The following ARFGEF1 variants were observed in gnomAD, a reference collection of about 807,000 sequenced individuals.
ARFGEF1 encodes ARF guanine nucleotide exchange factor 1.
Under a neutral mutation model 231.0 loss-of-function variants are expected in ARFGEF1, and 42 were observed. The observed-to-expected ratio is 0.18, with a 90% confidence interval of 0.14 to 0.24. ARFGEF1 has a LOEUF of 0.24. ARFGEF1 is among the 10% of genes least tolerant of loss of function. ARFGEF1 has a pLI of 1.00. For synonymous variants in ARFGEF1, 710 were observed against 732.3 expected, an observed-to-expected ratio of 0.97 and a Z score of 0.49; for missense variants, 1,345 against 2,192.0, an observed-to-expected ratio of 0.61 and a Z score of 7.72.
intron 9 of ARFGEF1, among the ~76,000 whole-genome samples, chr8:67,273,943 A>G (rs1805205786): frequency 6.7e-6 from 1 of 148,176 alleles, no homozygotes; most frequent in South Asian, 2.1e-4. Flanking sequence ...TTACCATTCT[A>G]TAACAATGAG....
At chr8:67,300,660 C>CAAAAAAAAAAAAAAAAAAAAAAAAAA (rs200434355) in intron 3 of ARFGEF1, among the ~76,000 whole-genome samples, 1 of 88,660 alleles carries the variant, frequency 1.1e-5, no homozygotes, top group Non-Finnish European at 2.4e-5. Context: ...CTTGTCTCTT[C>CAAAAAAAAAAAAAAAAAAAAAAAAAA]AAAAAAAAAA....
At chr8:67,277,161 C>T (rs1805347881) in intron 8 of ARFGEF1, 121 bp downstream of exon 8, 1 of 1,014,916 alleles carries the variant, frequency 9.9e-7, no homozygotes, top group African/African-American at 1.7e-5. Context: ...TTCTTATTTC[C>T]CCAAACTAAA....
intron 30 of ARFGEF1, 28 bp from the exon 31 acceptor site, chr8:67,218,166 C>G: frequency 7.8e-7 from 1 of 1,281,492 alleles, no homozygotes; most frequent in Non-Finnish European, 1.0e-6. Context: ...TAATGAACAT[C>G]ACGCCATTAA....
At chr8:67,230,405 T>G (rs1839515921) in intron 23 of ARFGEF1, among the ~76,000 whole-genome samples, 1 of 152,128 alleles carries the variant, frequency 6.6e-6, no homozygotes, top group African/African-American at 2.4e-5. Flanking sequence ...AAAAAATGGT[T>G]TGCAAAACTT....
chr8:67,218,478 G>A (rs1484313094), intron 30 of ARFGEF1, among the ~76,000 whole-genome samples: 3 of 151,622 alleles, frequency 2.0e-5, no homozygotes, highest in Admixed American at 6.6e-5. Flanking sequence ...GAATAGCAAC[G>A]CCGGCCTTGC....
chr8:67,197,584 T>C, downstream of ARFGEF1: 2 of 973,190 alleles, frequency 2.1e-6, no homozygotes, highest in Non-Finnish European at 1.2e-6. Flanking sequence ...TAGTTCTGGC[T>C]GAAAATGTCT....
downstream of ARFGEF1, chr8:67,193,620 A>C (rs1459400518): frequency 5.6e-6 from 9 of 1,607,250 alleles, no homozygotes; most frequent in Non-Finnish European, 7.7e-6. Flanking sequence ...ACCAAGTGTA[A>C]TGGCCTATAG....
chr8:67,303,011 C>T (rs1316558134), intron 1 of ARFGEF1, among the ~76,000 whole-genome samples: 1 of 151,590 alleles, frequency 6.6e-6, no homozygotes, highest in African/African-American at 2.4e-5. Context: ...GGGAGGGTCC[C>T]TTGAGCCCAA....
intron 17 of ARFGEF1, among the ~76,000 whole-genome samples, chr8:67,256,311 T>C (rs1045844040): frequency 2.6e-5 from 4 of 152,204 alleles, no homozygotes; most frequent in Admixed American, 2.0e-4. Flanking sequence ...TAAAGTCCTA[T>C]ATAAAATCAA....
chr8:67,342,388 G>C (rs991190541), intron 1 of ARFGEF1, among the ~76,000 whole-genome samples: 3 of 152,112 alleles, frequency 2.0e-5, no homozygotes, highest in African/African-American at 4.8e-5. Flanking sequence ...TCAAGCTTGA[G>C]AGCAGCTGCC....
chr8:67,176,757 T>A (rs1831750619), intron 5 of ARFGEF1, among the ~76,000 whole-genome samples: 1 of 152,110 alleles, frequency 6.6e-6, no homozygotes. Context: ...GTAGACACTA[T>A]GAAGACCTAA....
intron 6 of ARFGEF1, among the ~76,000 whole-genome samples, chr8:67,288,640 G>A (rs1394282332): frequency 1.3e-5 from 2 of 152,120 alleles, no homozygotes; most frequent in African/African-American, 4.8e-5. Flanking sequence ...GGCTGAGGCA[G>A]GAGAACTGCT....
intron 1 of ARFGEF1, among the ~76,000 whole-genome samples, chr8:67,328,220 A>C (rs1292478612): frequency 6.6e-6 from 1 of 152,186 alleles, no homozygotes; most frequent in South Asian, 2.1e-4. Flanking sequence ...TGAAACTGTT[A>C]TAATTTTTTT....
intron 1 of ARFGEF1, among the ~76,000 whole-genome samples, chr8:67,310,778 G>GCC (rs1806978485): frequency 2.6e-5 from 4 of 151,052 alleles, no homozygotes; most frequent in African/African-American, 9.8e-5. Context: ...GAGCGTCTCT[G>GCC]CCCGGCTGCC....
At chr8:67,209,940 CAGG>C (rs1328038918) in intron 34 of ARFGEF1, among the ~76,000 whole-genome samples, 1 of 151,798 alleles carries the variant, frequency 6.6e-6, no homozygotes, top group East Asian at 1.9e-4. Context: ...ATCACGAGGT[CAGG>C]AGATCGAGAC....
chr8:67,320,388 G>A (rs1035034578), intron 1 of ARFGEF1, among the ~76,000 whole-genome samples: 4 of 151,992 alleles, frequency 2.6e-5, no homozygotes, highest in Non-Finnish European at 4.4e-5. Flanking sequence ...CAACAAGAAC[G>A]CAAATACACC....
At chr8:67,244,069 T>C (rs1312856534) in intron 19 of ARFGEF1, among the ~76,000 whole-genome samples, 4 of 151,140 alleles carry the variant, frequency 2.6e-5, no homozygotes, top group East Asian at 2.0e-4. Context: ...GACAAAACCC[T>C]GTCTCTACTA....
In ARFGEF1 at chr8:67,249,168, C is replaced by G. The variant is rs867629522; in HGVS notation, c.2850+2131G>C. Among the ~76,000 whole-genome samples the G allele has an allele frequency of 4.7e-5, 7 of 150,238 alleles. 1 individual carries two copies. In the South Asian group the frequency reaches 1.5e-3, roughly 32 times the overall value. On this transcript the variant is annotated intron_variant, in intron 19 of 38. Transcript: ENST00000262215. ...ATAAATAATGTATATATAGACAGTT[C>G]CCAACTTACAATGGTTCAACTTACC...
chr8:67,309,283 G>C (rs973648258), intron 1 of ARFGEF1, among the ~76,000 whole-genome samples: 2 of 152,184 alleles, frequency 1.3e-5, no homozygotes, highest in East Asian at 1.9e-4. Flanking sequence ...GGAAAAGAGA[G>C]ATAGCGATCA....
Sources: allele counts gnomAD v4.1 joint callset (sites outside exome capture counted in the v4.1 genomes callset), GRCh38; gene constraint gnomAD v4.1.1; transcripts MANE v1.5; gene names NCBI Gene and HGNC (gene_info 2026-07-23, HGNC 2026-07-21).